CTCF: variants seen among roughly 807,000 people sequenced by gnomAD.
The protein encoded by CTCF is transcriptional repressor CTCF.
In CTCF, 7 loss-of-function variants were observed where a neutral mutation model predicts 72.3. The observed-to-expected ratio is 0.10, with a 90% CI of 0.06 to 0.18. The LOEUF (loss-of-function observed/expected upper bound fraction) is 0.18, where lower values mean the gene tolerates loss of function less well. Ranked by LOEUF, CTCF falls within the 10% of genes least tolerant of loss-of-function variation. The pLI is 1.00. For missense variants in CTCF, 516 were observed against 949.1 expected (o/e 0.54, Z 6.00); for synonymous variants, 374 against 315.8 (o/e 1.18, Z -1.95).
At chr16:67,605,805 C>T (rs1597708372) in intron 2 of CTCF, among the ~76,000 whole-genome samples, 2 of 152,058 alleles carry the variant, frequency 1.3e-5, no homozygotes, top group South Asian at 2.1e-4. Context: ...GTGGATCAGA[C>T]GTAAAGTACA....
At chr16:67,564,316 A>T (rs988352179) in intron 1 of CTCF, among the ~76,000 whole-genome samples, 1 of 152,246 alleles carries the variant, frequency 6.6e-6, no homozygotes, top group South Asian at 2.1e-4. Flanking sequence ...GAGAGAAGAA[A>T]GTCTGGATTA....
chr16:67,563,767 C>T (rs1380444632), intron 1 of CTCF: 1 of 152,150 alleles, frequency 6.6e-6, no homozygotes, highest in Non-Finnish European at 1.5e-5. Context: ...GGGCTAAGTC[C>T]CTTGAGTTTC....
At chr16:67,605,028 A>G (rs1249467267) in intron 2 of CTCF, among the ~76,000 whole-genome samples, 2 of 122,906 alleles carry the variant, frequency 1.6e-5, no homozygotes, top group African/African-American at 6.6e-5. Flanking sequence ...GCTGGAGTGC[A>G]GTGGCGCAAT....
intron 5 of CTCF, among the ~76,000 whole-genome samples, chr16:67,619,163 C>T (rs8057871): frequency 5.6e-4 from 85 of 152,252 alleles, no homozygotes; most frequent in African/African-American, 1.8e-3. Flanking sequence ...GGGCCAGGCG[C>T]GGTAGCTCAC....
At chr16:67,617,686 A>T (rs753677849) in intron 5 of CTCF, among the ~76,000 whole-genome samples, 23 of 152,176 alleles carry the variant, frequency 1.5e-4, no homozygotes, top group Non-Finnish European at 2.8e-4. Flanking sequence ...CCGTCTTAAA[A>T]AAGAGTACCA....
chr16:67,621,213 T>C (rs768155972), intron 6 of CTCF: 3 of 444,646 alleles, frequency 6.7e-6, no homozygotes, highest in Non-Finnish European at 1.2e-5. Context: ...ATTGCTGTAA[T>C]GTGGAGGATT....
In CTCF at chr16:67,611,389, A is replaced by G. The variant is rs766823310; in HGVS notation, c.557A>G (p.Gln186Arg). The change falls in exon 3 of 12, where the codon CAG becomes CGG. Residue 186 changes from glutamine to arginine, a missense_variant. Gln to Arg is a conservative substitution (Grantham distance 43). Transcript: ENST00000264010. ...CTAGAACAAGGGGAACTTCCACCCC[A>G]GGAAGATCCTAGTTGGCAAAAAGAC... ...ETLEQGELPPQEDPSWQKDPD... is the reference protein window; with the variant it reads ...ETLEQGELPPREDPSWQKDPD... The G allele has an allele frequency of 2.0e-5, 33 of 1,614,084 alleles. No homozygotes were observed. Among genetic ancestry groups the G allele is most frequent in the Non-Finnish European group, 2.5e-5 (29 of 1,180,042 alleles).
chr16:67,581,449 A>G (rs567089356), intron 2 of CTCF, among the ~76,000 whole-genome samples: 5 of 151,726 alleles, frequency 3.3e-5, no homozygotes, highest in Non-Finnish European at 7.4e-5. Context: ...TAGCCTCCCA[A>G]GTAGCTGGGA....
intron 3 of CTCF, 44 bp downstream of exon 3, chr16:67,611,657 G>T: frequency 6.4e-7 from 1 of 1,557,962 alleles, no homozygotes; most frequent in Non-Finnish European, 8.7e-7. Context: ...ACCATTTTGG[G>T]ATAAGCATAC....
In CTCF at chr16:67,637,963, T is replaced by C; in HGVS notation, c.*91T>C. ...TTCTCCCTTCTTTCTTTTTTTGGCT[T>C]TGGGAAAAGCATCATTTTACCAAAC... On this transcript the variant is annotated 3_prime_UTR_variant, in exon 12 of 12. Transcript: ENST00000264010. 2 of 1,201,410 alleles carry C rather than the reference T, an allele frequency of 1.7e-6. No individual in the cohort carries two copies. Among genetic ancestry groups the C allele is most frequent in the South Asian group, 3.8e-5 (2 of 53,016 alleles). 74.4% of individuals were successfully genotyped at this position (1,201,410 alleles called of 1,614,324 possible).
At chr16:67,626,475 A>AATCG in intron 7 of CTCF, 80 bp from the exon 8 acceptor site, 1 of 903,670 alleles carries the variant, frequency 1.1e-6, no homozygotes, top group Non-Finnish European at 1.5e-6. Context: ...AAAAAAAAAG[A>AATCG]ATCGAGAAAT....
At chr16:67,587,592 G>T (rs1597692472) in intron 2 of CTCF, among the ~76,000 whole-genome samples, 1 of 149,352 alleles carries the variant, frequency 6.7e-6, no homozygotes, top group South Asian at 2.1e-4. Context: ...CCTAGAGATT[G>T]TTAAATATTG....
intron 9 of CTCF, among the ~76,000 whole-genome samples, chr16:67,629,051 CAA>C (rs75890530): frequency 3.8e-5 from 5 of 130,496 alleles, no homozygotes; most frequent in Non-Finnish European, 3.3e-5. Flanking sequence ...GACTCCGTCT[CAA>C]AAAAAAAAAA....
chr16:67,606,221 C>G (rs1567606332), intron 2 of CTCF, among the ~76,000 whole-genome samples: 1 of 152,122 alleles, frequency 6.6e-6, no homozygotes, highest in Non-Finnish European at 1.5e-5. Flanking sequence ...ATAACTAATT[C>G]CCACATGTAT....
chr16:67,638,945 C>T lies in CTCF; in HGVS notation c.*1073C>T, dbSNP rs761213430. 2 of 204,556 alleles carry T rather than the reference C, an allele frequency of 9.8e-6. No individual in the cohort carries two copies. The highest frequency in any genetic ancestry group is 1.2e-4 in the Admixed American group (2 of 16,766). The allele number at this position is 204,556 out of a possible 1,614,324, so 12.7% of individuals were successfully genotyped here. A position where few individuals can be genotyped will look rare whatever the true frequency, so the allele number is the denominator to read the frequency against. ...TAAAAATGTGTTTTTTAGAGAGCCT[C>T]AGTCTTACTGATTTCAAACACTTTT... is the stretch of plus-strand genomic sequence containing the variant. On this transcript the variant is annotated 3_prime_UTR_variant, in exon 12 of 12. Coordinates refer to ENST00000264010, the MANE Select transcript of CTCF (RefSeq NM_006565.4).
intron 2 of CTCF, among the ~76,000 whole-genome samples, chr16:67,590,329 A>G (rs572371612): frequency 1.8e-3 from 272 of 152,072 alleles, no homozygotes; most frequent in Non-Finnish European, 2.6e-3. Flanking sequence ...TAGCTGTTAG[A>G]ATAATTGTTT....
chr16:67,596,020 TTC>T (rs1443565670), intron 2 of CTCF, among the ~76,000 whole-genome samples: 1 of 151,848 alleles, frequency 6.6e-6, no homozygotes, highest in Non-Finnish European at 1.5e-5. Flanking sequence ...GTGGCATACT[TTC>T]GGCTCACTGC....
At chr16:67,622,632 C>T (rs1439023055) in intron 7 of CTCF, among the ~76,000 whole-genome samples, 1 of 150,022 alleles carries the variant, frequency 6.7e-6, no homozygotes, top group Non-Finnish European at 1.5e-5. Context: ...GTTGGGCAAC[C>T]TACTCTTACT....
rs2051897545 is a variant in CTCF, at chr16:67,601,916, T to G, written c.-9-8908T>G. Among the ~76,000 whole-genome samples the G allele has an allele frequency of 2.0e-5, 3 of 149,764 alleles. No individual in the cohort carries two copies. In the South Asian group the frequency reaches 6.3e-4, roughly 32 times the overall value. The stretch of plus-strand genomic sequence containing the variant: ...TCTCCCTCTGTCACCCAGGCTGGAG[T>G]GCAGTGGCCCAATCTTGGCTCACTG... On this transcript the variant is annotated intron_variant, in intron 2 of 11. Transcript: ENST00000264010.
Sources: allele counts gnomAD v4.1 joint callset (sites outside exome capture counted in the v4.1 genomes callset), GRCh38; gene constraint gnomAD v4.1.1; transcripts MANE v1.5; gene names NCBI Gene and HGNC (gene_info 2026-07-23, HGNC 2026-07-21).